Variants in DPF3 observed in about 807,000 individuals in gnomAD.
The protein encoded by DPF3 is double PHD fingers 3.
In DPF3, 18 loss-of-function variants were observed where a neutral mutation model predicts 56.8. The observed-to-expected ratio is 0.32, with a 90% CI of 0.22 to 0.47. The LOEUF is 0.47. Among genes scored for constraint, DPF3 ranks in the 20% least tolerant of loss-of-function variants. The pLI, the probability that DPF3 is intolerant of heterozygous loss-of-function variation, is 1.00. For synonymous variants in DPF3, 188 were observed against 180.2 expected (o/e 1.04, Z -0.35); for missense variants, 403 against 488.8 (o/e 0.82, Z 1.65).
At chr14:72,853,215 T>G (rs79209464) in intron 1 of DPF3, 4 of 76,386 alleles carry the variant, frequency 5.2e-5, no homozygotes, top group Admixed American at 2.5e-4. Context: ...CATGTTGTTG[T>G]TTTTTTTTTT....
intron 5 of DPF3, among the ~76,000 whole-genome samples, chr14:72,721,923 G>A (rs951259917): frequency 1.3e-5 from 2 of 151,854 alleles, no homozygotes; most frequent in Admixed American, 6.6e-5. Flanking sequence ...TTAATGGCAT[G>A]GAGAAAAAAA....
intron 4 of DPF3, chr14:72,731,601 CG>C: frequency 1.6e-6 from 1 of 618,214 alleles, no homozygotes; most frequent in Non-Finnish European, 2.8e-6. Context: ...GGAAGGGAAC[CG>C]AGGTGAAGGC....
intron 1 of DPF3, chr14:72,805,860 A>C (rs1882754453): frequency 1.3e-5 from 2 of 152,060 alleles, no homozygotes; most frequent in Admixed American, 6.5e-5. Context: ...TAAATAAATA[A>C]AATAACAAAG....
At chr14:72,630,417 T>C (rs933057089) in intron 8 of DPF3, among the ~76,000 whole-genome samples, 6 of 152,134 alleles carry the variant, frequency 3.9e-5, no homozygotes, top group African/African-American at 1.4e-4. Context: ...GGTTCCCGGT[T>C]CTAACTCTTT....
At chr14:72,870,498 C>A (rs1183857108) in intron 1 of DPF3, among the ~76,000 whole-genome samples, 1 of 152,214 alleles carries the variant, frequency 6.6e-6, no homozygotes, top group Non-Finnish European at 1.5e-5. Context: ...GACCCAATAT[C>A]AGCACCAATT....
intron 8 of DPF3, among the ~76,000 whole-genome samples, chr14:72,673,719 T>A (rs1169444684): frequency 2.6e-5 from 4 of 152,148 alleles, no homozygotes; most frequent in Non-Finnish European, 5.9e-5. Flanking sequence ...TTTTAGAAAA[T>A]GAGATTAGTG....
intron 7 of DPF3, among the ~76,000 whole-genome samples, chr14:72,686,439 AAGC>A (rs1887415177): frequency 6.6e-6 from 1 of 152,224 alleles, no homozygotes; most frequent in South Asian, 2.1e-4. Context: ...GGCAACTAAG[AAGC>A]AGAAGTGTAG....
Position 72,686,065 on chromosome 14 carries a change from C to T in DPF3, c.742+7011G>A, listed in dbSNP as rs540490823. ...TTACACTTCTCCCAACAACTGGGTG[C>T]ATGTACAGTAAGTGCTTAATAAATA... On this transcript the variant is annotated intron_variant, in intron 7 of 10. Transcript: ENST00000556509. 1.1e-4 allele frequency among the ~76,000 whole-genome samples: 16 copies of T among 152,328 alleles called. No homozygotes were observed. The East Asian group carries it at 3.1e-3, about 29-fold the overall frequency.
At chr14:72,823,101 G>C (rs1265510804) in intron 1 of DPF3, among the ~76,000 whole-genome samples, 1 of 152,190 alleles carries the variant, frequency 6.6e-6, no homozygotes, top group Non-Finnish European at 1.5e-5. Flanking sequence ...AACCAAATGG[G>C]TTGGCGAGGG....
intron 6 of DPF3, among the ~76,000 whole-genome samples, chr14:72,706,342 T>C (rs115375872): frequency 0.014 from 2,191 of 152,306 alleles, 77 homozygotes; most frequent in African/African-American, 0.051. Flanking sequence ...GTTCCTTCAG[T>C]GCTCACTGTC....
intron 7 of DPF3, among the ~76,000 whole-genome samples, chr14:72,688,190 A>ATGGATGGG (rs1567200707): frequency 5.2e-5 from 2 of 38,806 alleles, no homozygotes; most frequent in African/African-American, 1.8e-4. Flanking sequence ...GGATGGATGG[A>ATGGATGGG]TGGGTGGGTG....
chr14:72,661,551 T>C (rs1886212158), intron 8 of DPF3: 1 of 985,494 alleles, frequency 1.0e-6, no homozygotes, highest in Non-Finnish European at 1.2e-6. Context: ...GCTCAGCCAG[T>C]CAGCCCTGCA....
chr14:72,838,448 C>G lies in DPF3; in HGVS notation c.32+55609G>C, dbSNP rs1227660456. Among the ~76,000 whole-genome samples, 3 of 152,072 alleles carry G rather than the reference C, an allele frequency of 2.0e-5. 1 individual carries two copies. The highest frequency in any genetic ancestry group is 3.9e-4 in the East Asian group (2 of 5,182). On this transcript the variant is annotated intron_variant, in intron 1 of 10. Transcript: ENST00000556509. Reference sequence around the variant, plus strand: ...GGCGGAGGTTGCCATGAGTCGAGATCGAGCCACTGCACTCCTGCCTGGGCA... The same window carrying G: ...GGCGGAGGTTGCCATGAGTCGAGATGGAGCCACTGCACTCCTGCCTGGGCA...
At position 72,714,521 on chromosome 14, in the gene DPF3, C is replaced by T. The variant is rs950925859; in HGVS notation, c.526-20G>A. ...GCGAGCCTGGGGAGACATTGGGGTA[C>T]AGGATGCTTGTTACCATGGTCATCA... On this transcript the variant is annotated intron_variant, in intron 5 of 10. Transcript: ENST00000556509. 6.2e-7 allele frequency: 1 copy of T among 1,613,138 alleles called. No individual in the cohort carries two copies. The highest frequency in any genetic ancestry group is 1.3e-5 in the African/African-American group (1 of 74,894).
At chr14:72,786,733 G>A (rs1892225413) in intron 1 of DPF3, among the ~76,000 whole-genome samples, 1 of 152,104 alleles carries the variant, frequency 6.6e-6, no homozygotes, top group Non-Finnish European at 1.5e-5. Context: ...ATCTCAGCTT[G>A]GTACAACCTA....
chr14:72,867,395 C>T (rs1157152483), intron 1 of DPF3, among the ~76,000 whole-genome samples: 1 of 152,058 alleles, frequency 6.6e-6, no homozygotes, highest in African/African-American at 2.4e-5. Context: ...AGGAAGAACC[C>T]CCTTCCATGG....
chr14:72,782,227 A>ATT lies in DPF3; in HGVS notation c.33-10336_33-10335dup, dbSNP rs66977010. ...AATTCTCTATACAGCAGCCCAAGTG[A>ATT]TTTTTTTTTTTTTTTTTGAAACAAG... On this transcript the variant is annotated intron_variant, in intron 1 of 10. Coordinates refer to ENST00000556509, the MANE Select transcript of DPF3 (RefSeq NM_001280542.3). Among the ~76,000 whole-genome samples the ATT allele has an allele frequency of 1.7e-4, 24 of 139,796 alleles. 1 individual carries two copies. The highest frequency in any genetic ancestry group is 6.3e-4 in the African/African-American group (24 of 38,160). The allele number at this position is 139,796 out of a possible 152,430, so 91.7% of individuals were successfully genotyped here. A position where few individuals can be genotyped will look rare whatever the true frequency, so the allele number is the denominator to read the frequency against.
intron 7 of DPF3, among the ~76,000 whole-genome samples, chr14:72,688,334 G>A (rs1356386392): frequency 1.3e-5 from 2 of 149,460 alleles, no homozygotes; most frequent in Non-Finnish European, 3.0e-5. Flanking sequence ...TGGATGGATC[G>A]ATGACGTATA....
intron 8 of DPF3, among the ~76,000 whole-genome samples, chr14:72,641,414 A>C (rs1474736290): frequency 6.6e-6 from 1 of 152,234 alleles, no homozygotes; most frequent in Non-Finnish European, 1.5e-5. Context: ...AGGCCCTGCC[A>C]GCCTCAGTTT....
Sources: gnomAD v4.1 joint callset for allele counts (sites outside exome capture counted in the v4.1 genomes callset) on GRCh38, gnomAD v4.1.1 for gene constraint, MANE v1.5 for transcripts, NCBI Gene and HGNC (gene_info 2026-07-23, HGNC 2026-07-21) for gene names.